RSBN1L: variants seen among roughly 807,000 people sequenced by gnomAD.
RSBN1L encodes round spermatid basic protein 1 like, also known as lysine-specific demethylase RSBN1L.
In RSBN1L, 30 loss-of-function variants were observed where a neutral mutation model predicts 67.7. That is an observed-to-expected ratio of 0.44 (90% CI 0.33 to 0.60). The LOEUF (loss-of-function observed/expected upper bound fraction) is 0.60. Ranked by LOEUF, RSBN1L falls within the 20% of genes least tolerant of loss-of-function variation. The pLI is 0.02. For synonymous variants in RSBN1L, 433 were observed against 387.0 expected (o/e 1.12, Z -1.39); for missense variants, 992 against 1,031.7 (o/e 0.96, Z 0.53).
At chr7:77,740,985 CT>C (rs869081974) in intron 2 of RSBN1L, among the ~76,000 whole-genome samples, 2,767 of 102,930 alleles carry the variant, frequency 0.027, 73 homozygotes, top group African/African-American at 0.11. Flanking sequence ...CTTTTCTTTT[CT>C]TTTTTTTTTT....
rs182610813 is a variant in RSBN1L, at chr7:77,743,717, G to T, written c.704-5707G>T. Among the ~76,000 whole-genome samples the T allele has an allele frequency of 7.2e-5, 11 of 152,200 alleles. No homozygotes were observed. The East Asian group carries it at 1.2e-3, about 16-fold the overall frequency. On this transcript the variant is annotated intron_variant, in intron 2 of 7. Coordinates refer to ENST00000334955, the MANE Select transcript of RSBN1L (RefSeq NM_198467.3). ...TTTTATTCATTTTGGCAACAATTGC[G>T]TAATTTATGCAGTTCTACATATATT...
At chr7:77,766,724 A>G (rs1791770406) in intron 4 of RSBN1L, among the ~76,000 whole-genome samples, 1 of 152,270 alleles carries the variant, frequency 6.6e-6, no homozygotes, top group East Asian at 1.9e-4. Flanking sequence ...CTGATACCAC[A>G]TAATCTATAG....
intron 4 of RSBN1L, among the ~76,000 whole-genome samples, chr7:77,767,062 T>TTTCCCCTTCCC (rs1338762553): frequency 1.3e-4 from 13 of 103,560 alleles, no homozygotes; most frequent in Non-Finnish European, 1.9e-4. Flanking sequence ...TCCCCTTCCC[T>TTTCCCCTTCCC]TTCCCCTTCC....
Position 77,748,218 on chromosome 7 carries a change from G to A in RSBN1L, c.704-1206G>A, listed in dbSNP as rs189781204. Among the ~76,000 whole-genome samples, 81 of 152,260 alleles carry A rather than the reference G, an allele frequency of 5.3e-4. 1 individual carries two copies. The highest frequency in any genetic ancestry group is 1.9e-3 in the African/African-American group (77 of 41,548). ...TTATAGAAAGGTTAATATGGCTGTA[G>A]CATTCAGGATGAGAGACAGTTATGC... On this transcript the variant is annotated intron_variant, in intron 2 of 7. Transcript: ENST00000334955.
At chr7:77,723,268 C>T (rs1584282157) in intron 1 of RSBN1L, among the ~76,000 whole-genome samples, 2 of 151,992 alleles carry the variant, frequency 1.3e-5, no homozygotes, top group Admixed American at 1.3e-4. Flanking sequence ...GCCCGGCCAA[C>T]ATTTCTTAAG....
intron 2 of RSBN1L, among the ~76,000 whole-genome samples, chr7:77,746,700 G>T (rs546966173): frequency 1.3e-5 from 2 of 152,128 alleles, no homozygotes; most frequent in Non-Finnish European, 2.9e-5. Context: ...ACCTATGAGC[G>T]TATAAAATAT....
Position 77,780,149 on chromosome 7 carries a change from A to G in RSBN1L, c.*981A>G, listed in dbSNP as rs1199859801. 6.6e-6 allele frequency: 1 copy of G among 151,760 alleles called. No individual in the cohort carries two copies. Among genetic ancestry groups the G allele is most frequent in the Non-Finnish European group, 1.5e-5 (1 of 67,924 alleles). The allele number at this position is 151,760 out of a possible 1,614,324, so 9.4% of individuals were successfully genotyped here. A position where few individuals can be genotyped will look rare whatever the true frequency, so the allele number is the denominator to read the frequency against. On this transcript the variant is annotated 3_prime_UTR_variant, in exon 8 of 8. Coordinates refer to ENST00000334955, the MANE Select transcript of RSBN1L (RefSeq NM_198467.3). Reference sequence around the variant, plus strand: ...CCAGCCTATGCAGGCATTTTTAACAACCAAGACTCAGTTAAGAAAGTGTGC... The same window carrying G: ...CCAGCCTATGCAGGCATTTTTAACAGCCAAGACTCAGTTAAGAAAGTGTGC...
In RSBN1L at chr7:77,750,043, T is replaced by G. The variant is rs773548939; in HGVS notation, c.1323T>G (p.Thr441=). 3.8e-6 allele frequency: 6 copies of G among 1,594,554 alleles called. No homozygotes were observed. In the Admixed American group the frequency reaches 1.1e-4, roughly 29 times the overall value. ...GAAAGAAAGATATAGAGACAACGAC[T>G]ATGTCCAATTTTCATGCTCAGGTAA... is the stretch of plus-strand genomic sequence containing the variant. The part of the protein sequence containing the change: ...ILGKKDIETT[T]MSNFHAQVKR... Residue 441 remains threonine, a synonymous_variant, in exon 3 of 8, where the codon ACT becomes ACG. Transcript: ENST00000334955.
intron 3 of RSBN1L, among the ~76,000 whole-genome samples, chr7:77,757,168 G>T (rs1255541471): frequency 6.6e-6 from 1 of 152,214 alleles, no homozygotes; most frequent in African/African-American, 2.4e-5. Flanking sequence ...GTTTATCTCT[G>T]TAATAGTATC....
At chr7:77,741,009 C>CG (rs1441301249) in intron 2 of RSBN1L, among the ~76,000 whole-genome samples, 1 of 129,838 alleles carries the variant, frequency 7.7e-6, no homozygotes, top group Non-Finnish European at 1.6e-5. Context: ...TTTTTTGAGA[C>CG]GGAGTTTCAC....
rs1791610916 is a variant in RSBN1L, at chr7:77,755,868, A to C, written c.1344+5804A>C. Reference sequence around the variant, plus strand: ...CATCTTGACTAAGTTCACTAGGTTCAGTTCAGTAGAACCTGCTCTTGTTAT... The same window carrying C: ...CATCTTGACTAAGTTCACTAGGTTCCGTTCAGTAGAACCTGCTCTTGTTAT... On this transcript the variant is annotated intron_variant, in intron 3 of 7. Transcript: ENST00000334955. Among the ~76,000 whole-genome samples the C allele has an allele frequency of 4.6e-5, 7 of 152,320 alleles. No homozygotes were observed. The South Asian group carries it at 1.4e-3, about 32-fold the overall frequency.
Position 77,697,615 on chromosome 7 carries a change from G to A in RSBN1L, c.586+560G>A, listed in dbSNP as rs116571929. On this transcript the variant is annotated intron_variant, in intron 1 of 7. Transcript: ENST00000334955. The stretch of plus-strand genomic sequence containing the variant: ...GGGCCCGAAGTGCGCTGTTTCGTAA[G>A]GTACCCTCCCTGCACCCTACTCTCC... Among the ~76,000 whole-genome samples, 427 of 152,222 alleles carry A rather than the reference G, an allele frequency of 2.8e-3. 5 individuals are homozygous for A. The highest frequency in any genetic ancestry group is 9.8e-3 in the African/African-American group (408 of 41,540).
At chr7:77,700,936 C>A (rs1414337151) in intron 1 of RSBN1L, among the ~76,000 whole-genome samples, 1 of 152,058 alleles carries the variant, frequency 6.6e-6, no homozygotes, top group African/African-American at 2.4e-5. Context: ...GCTGGCGAAT[C>A]GCCTGAGCTC....
chr7:77,769,138 A>G (rs910569798), intron 5 of RSBN1L, among the ~76,000 whole-genome samples: 6 of 152,236 alleles, frequency 3.9e-5, no homozygotes, highest in Non-Finnish European at 7.3e-5. Flanking sequence ...AACAAATGGA[A>G]AGCCCTGCTG....
chr7:77,746,006 C>T (rs2150424495), intron 2 of RSBN1L, among the ~76,000 whole-genome samples: 1 of 152,282 alleles, frequency 6.6e-6, no homozygotes, highest in South Asian at 2.1e-4. Context: ...TGGGGAATGG[C>T]TGTAATACAG....
At chr7:77,758,606 G>A (rs1009409154) in intron 3 of RSBN1L, among the ~76,000 whole-genome samples, 1 of 152,104 alleles carries the variant, frequency 6.6e-6, no homozygotes, top group African/African-American at 2.4e-5. Flanking sequence ...TTGTGTGTGC[G>A]CATTAATAGA....
chr7:77,750,042 C>A lies in RSBN1L; in HGVS notation c.1322C>A (p.Thr441Asn). The change falls in exon 3 of 8, where the codon ACT becomes AAT. Residue 441 changes from threonine (T) to asparagine (N), a missense_variant. By Grantham distance (65) the Thr-to-Asn change is moderately conservative. Transcript: ENST00000334955. ...ILGKKDIETT[T>N]MSNFHAQVKR... ...GGAAAGAAAGATATAGAGACAACGA[C>A]TATGTCCAATTTTCATGCTCAGGTA... 1 of 1,595,540 alleles carries A rather than the reference C, an allele frequency of 6.3e-7. No homozygotes were observed. Among genetic ancestry groups the A allele is most frequent in the South Asian group, 1.1e-5 (1 of 87,568 alleles).
At chr7:77,708,113 A>G (rs1029136053) in intron 1 of RSBN1L, among the ~76,000 whole-genome samples, 1 of 152,200 alleles carries the variant, frequency 6.6e-6, no homozygotes, top group Non-Finnish European at 1.5e-5. Context: ...CCAGAATCGT[A>G]CTTTGCGTTG....
intron 1 of RSBN1L, among the ~76,000 whole-genome samples, chr7:77,718,238 C>T (rs937436297): frequency 1.1e-4 from 17 of 152,136 alleles, no homozygotes; most frequent in African/African-American, 3.4e-4. Context: ...GTTTATAGCT[C>T]TGACATTATA....
Sources: gnomAD v4.1 joint callset for allele counts (sites outside exome capture counted in the v4.1 genomes callset) on GRCh38, gnomAD v4.1.1 for gene constraint, MANE v1.5 for transcripts, NCBI Gene and HGNC (gene_info 2026-07-23, HGNC 2026-07-21) for gene names.